FRS2: variants seen among roughly 807,000 people sequenced by gnomAD.
FRS2 encodes the protein FGFR signalling adaptor.
A neutral mutation model predicts 43.9 loss-of-function variants in FRS2; 8 were observed. The observed-to-expected ratio is 0.18, with a 90% CI of 0.11 to 0.33. The LOEUF (loss-of-function observed/expected upper bound fraction) is 0.33. Among genes scored for constraint, FRS2 ranks in the 10% least tolerant of loss-of-function variants. FRS2 has a pLI of 1.00. For missense variants in FRS2, 534 were observed against 627.6 expected (o/e 0.85, Z 1.59); for synonymous variants, 219 against 220.3 (o/e 0.99, Z 0.05).
intron 1 of FRS2, among the ~76,000 whole-genome samples, chr12:69,510,348 T>G (rs953791176): frequency 1.3e-5 from 2 of 152,224 alleles, no homozygotes; most frequent in African/African-American, 4.8e-5. Flanking sequence ...TCTATTTTAT[T>G]CTGTCTCCGT....
intron 1 of FRS2, among the ~76,000 whole-genome samples, chr12:69,482,955 C>T (rs1279864316): frequency 6.6e-6 from 1 of 152,146 alleles, no homozygotes; most frequent in Non-Finnish European, 1.5e-5. Context: ...TTACAGGGCT[C>T]ATTTTACATT....
Position 69,571,370 on chromosome 12 carries a change from AGTT to A in FRS2, c.351_353del (p.Val118del). 6.2e-7 allele frequency: 1 copy of A among 1,612,222 alleles called. No individual in the cohort carries two copies. The highest frequency in any genetic ancestry group is 1.1e-5 in the South Asian group (1 of 91,014). ...ATAGTATAAATGTGGTGGAAGAGCC[AGTT>A]GTAGAAAGAAATAATCATCAGACAG... On this transcript the variant is annotated inframe_deletion, in exon 7 of 9. Transcript: ENST00000549921.
chr12:69,574,445 A>G lies in FRS2; in HGVS notation c.1017A>G (p.Ser339=). The change falls in exon 9 of 9, where the codon TCA becomes TCG. Residue 339 remains serine (S), a synonymous_variant. Coordinates refer to ENST00000549921, the MANE Select transcript of FRS2 (RefSeq NM_001278356.2). ...STSDTQNINN[S]AQRRTALLNY... ...CAGATACCCAGAATATCAACAACTC[A>G]GCTCAGAGAAGAACTGCATTATTAA... 1 of 1,613,954 alleles carries G rather than the reference A, an allele frequency of 6.2e-7. No homozygotes were observed.
In FRS2 at chr12:69,575,203, A is replaced by G. The variant is rs1881107437; in HGVS notation, c.*248A>G. ...GTTTTCACAGTGCCTATTTAAAATG[A>G]GAGTTGAAGTAAATGACATGCTGGT... On this transcript the variant is annotated 3_prime_UTR_variant, in exon 9 of 9. Transcript: ENST00000549921. 2 of 438,258 alleles carry G rather than the reference A, an allele frequency of 4.6e-6. No homozygotes were observed. The highest frequency in any genetic ancestry group is 8.1e-6 in the Non-Finnish European group (2 of 248,160). The allele number at this position is 438,258 out of a possible 1,614,324, so 27.1% of individuals were successfully genotyped here.
intron 1 of FRS2, among the ~76,000 whole-genome samples, chr12:69,495,172 A>G (rs182962122): frequency 2.0e-5 from 3 of 152,332 alleles, no homozygotes; most frequent in African/African-American, 2.4e-5. Context: ...GATGAACAGG[A>G]GCTTTTAGGC....
chr12:69,547,936 C>T (rs1878558471), intron 3 of FRS2, among the ~76,000 whole-genome samples: 1 of 144,062 alleles, frequency 6.9e-6, no homozygotes, highest in Admixed American at 7.6e-5. Flanking sequence ...GACTTCTGGG[C>T]TCAAGGGATC....
chr12:69,522,503 T>G (rs1415930135), intron 1 of FRS2, among the ~76,000 whole-genome samples: 1 of 152,116 alleles, frequency 6.6e-6, no homozygotes, highest in Non-Finnish European at 1.5e-5. Flanking sequence ...CTTTTATTAG[T>G]CTAGCTAGCA....
At chr12:69,561,645 T>G (rs1378245689) in intron 3 of FRS2, among the ~76,000 whole-genome samples, 2 of 152,224 alleles carry the variant, frequency 1.3e-5, no homozygotes, top group African/African-American at 4.8e-5. Flanking sequence ...TTGTTCATAC[T>G]GTTGATTTTC....
chr12:69,520,088 A>G (rs1274360121), intron 1 of FRS2, among the ~76,000 whole-genome samples: 1 of 152,160 alleles, frequency 6.6e-6, no homozygotes, highest in East Asian at 1.9e-4. Flanking sequence ...TGACTTCTTA[A>G]TAATAGTCAT....
At chr12:69,484,410 A>C (rs1217405536) in intron 1 of FRS2, among the ~76,000 whole-genome samples, 1 of 152,198 alleles carries the variant, frequency 6.6e-6, no homozygotes, top group South Asian at 2.1e-4. Flanking sequence ...TATCTGTGCC[A>C]GTGTTCCACA....
chr12:69,536,252 G>A (rs545962604), intron 3 of FRS2, among the ~76,000 whole-genome samples: 1 of 151,058 alleles, frequency 6.6e-6, no homozygotes, highest in Non-Finnish European at 1.5e-5. Context: ...AACCTTCTGA[G>A]TAGCTGGGAT....
intron 1 of FRS2, among the ~76,000 whole-genome samples, chr12:69,514,144 A>G (rs1592967309): frequency 1.3e-5 from 2 of 152,220 alleles, no homozygotes; most frequent in East Asian, 3.9e-4. Context: ...AACCAAATCA[A>G]ATATGTTTTA....
intron 1 of FRS2, among the ~76,000 whole-genome samples, chr12:69,477,481 A>T (rs1263050661): frequency 1.3e-5 from 2 of 150,874 alleles, no homozygotes; most frequent in Non-Finnish European, 2.9e-5. Context: ...ACGGGGTTTC[A>T]CCGTGTTAGC....
intron 3 of FRS2, among the ~76,000 whole-genome samples, chr12:69,555,609 T>C (rs1879270059): frequency 6.6e-6 from 1 of 152,142 alleles, no homozygotes; most frequent in South Asian, 2.1e-4. Flanking sequence ...CAGAAAGTAT[T>C]TGTGGGATGC....
At position 69,484,036 on chromosome 12, in the gene FRS2, A is replaced by G. The variant is rs145142746; in HGVS notation, c.-261+13506A>G. Among the ~76,000 whole-genome samples, 665 of 152,310 alleles carry G rather than the reference A, an allele frequency of 4.4e-3. 4 individuals carry two copies. Among genetic ancestry groups the G allele is most frequent in the Non-Finnish European group, 7.7e-3 (521 of 68,020 alleles). ...AGAGTAAAATTGATTATAATGTCCTAAGACATGAACTTTAAAAAATGTGAT... is the reference window on the plus strand; with the variant it reads ...AGAGTAAAATTGATTATAATGTCCTGAGACATGAACTTTAAAAAATGTGAT... On this transcript the variant is annotated intron_variant, in intron 1 of 8. Transcript: ENST00000549921.
intron 1 of FRS2, among the ~76,000 whole-genome samples, chr12:69,509,710 G>A (rs955980561): frequency 2.6e-5 from 4 of 151,984 alleles, no homozygotes; most frequent in African/African-American, 9.7e-5. Flanking sequence ...GTCTTGATAG[G>A]TTATTCTTTT....
chr12:69,538,199 A>T (rs1203740681), intron 3 of FRS2, among the ~76,000 whole-genome samples: 24 of 51,304 alleles, frequency 4.7e-4, no homozygotes, highest in South Asian at 1.3e-3. Context: ...AACAAATTTT[A>T]TATATATATA....
At chr12:69,506,648 C>T (rs562177827) in intron 1 of FRS2, among the ~76,000 whole-genome samples, 1 of 152,106 alleles carries the variant, frequency 6.6e-6, no homozygotes, top group Admixed American at 6.5e-5. Flanking sequence ...TTCTTTCAAG[C>T]CCTCTATTAT....
chr12:69,574,082 G>C lies in FRS2; in HGVS notation c.654G>C (p.Ala218=). The change falls in exon 9 of 9, where the codon GCG becomes GCC. Residue 218 remains alanine (A), a synonymous_variant. Transcript: ENST00000549921. The part of the protein sequence containing the change: ...NRTSVHVPLE[A]RVSNAESSTP... ...CAAGTGTGCATGTTCCATTGGAGGC[G>C]AGGGTTTCTAACGCTGAAAGCAGCA... is the stretch of plus-strand genomic sequence containing the variant. The C allele has an allele frequency of 1.2e-6, 2 of 1,613,984 alleles. No individual in the cohort carries two copies. Among genetic ancestry groups the C allele is most frequent in the Non-Finnish European group, 1.7e-6 (2 of 1,179,944 alleles).
Sources: allele counts gnomAD v4.1 joint callset (sites outside exome capture counted in the v4.1 genomes callset), GRCh38; gene constraint gnomAD v4.1.1; transcripts MANE v1.5; gene names NCBI Gene and HGNC (gene_info 2026-07-23, HGNC 2026-07-21).